Variants in TRMT9B observed in about 807,000 individuals in gnomAD.
TRMT9B encodes the protein tRNA methyltransferase 9B (putative).
In TRMT9B, 16 loss-of-function variants were observed where a neutral mutation model predicts 11.5. That is an observed-to-expected ratio of 1.39 (90% CI 0.94 to 2.11). TRMT9B has a LOEUF of 2.11. Among genes scored for constraint, TRMT9B ranks in the 30% most tolerant of loss-of-function variants. TRMT9B has a pLI of 0.00. For synonymous variants in TRMT9B, 274 were observed against 192.4 expected (o/e 1.42, Z -3.51); for missense variants, 941 against 553.8 (o/e 1.70, Z -7.02).
intron 2 of TRMT9B, among the ~76,000 whole-genome samples, chr8:13,001,893 T>C (rs1362812146): frequency 6.6e-6 from 1 of 152,194 alleles, no homozygotes; most frequent in Admixed American, 6.5e-5. Flanking sequence ...TCTCGCTTCA[T>C]CTGGAAACCC....
intron 4 of TRMT9B, among the ~76,000 whole-genome samples, chr8:13,014,693 A>C (rs1365042634): frequency 6.6e-6 from 1 of 152,148 alleles, no homozygotes; most frequent in Non-Finnish European, 1.5e-5. Flanking sequence ...ATTAAGCAAC[A>C]CTATACAATG....
chr8:12,952,030 T>A (rs947176587), intron 1 of TRMT9B: 8 of 177,284 alleles, frequency 4.5e-5, no homozygotes, highest in South Asian at 3.2e-4. Context: ...GTCTATTTTT[T>A]CCTCTTCCTT....
chr8:12,980,229 C>T (rs1241811688), intron 1 of TRMT9B, among the ~76,000 whole-genome samples: 1 of 152,120 alleles, frequency 6.6e-6, no homozygotes, highest in African/African-American at 2.4e-5. Context: ...CTCCTTGCCT[C>T]CTCCAATTCC....
chr8:13,011,931 T>A (rs1811683663), intron 3 of TRMT9B: 1 of 985,220 alleles, frequency 1.0e-6, no homozygotes, highest in South Asian at 4.7e-5. Flanking sequence ...TGTTGACAGT[T>A]GTTTGTTTTG....
chr8:13,028,997 C>T lies in TRMT9B; in HGVS notation c.*6953C>T, dbSNP rs1815052111. 1 of 166,942 alleles carries T rather than the reference C, an allele frequency of 6.0e-6. No homozygotes were observed. The highest frequency in any genetic ancestry group is 2.1e-4 in the South Asian group (1 of 4,812). 10.3% of individuals were successfully genotyped at this position (166,942 alleles called of 1,614,324 possible). On this transcript the variant is annotated 3_prime_UTR_variant, in exon 5 of 5. Coordinates refer to ENST00000524591, the MANE Select transcript of TRMT9B (RefSeq NM_020844.3). ...TTTGAATATGTATGTGCAAACTGTCCTATTTTCTTTATATGCTCTCTTAAA... is the reference window on the plus strand; with the variant it reads ...TTTGAATATGTATGTGCAAACTGTCTTATTTTCTTTATATGCTCTCTTAAA...
intron 4 of TRMT9B, 26 bp from the exon 5 acceptor site, chr8:13,020,982 C>G (rs1813719272): frequency 1.4e-6 from 2 of 1,468,372 alleles, no homozygotes; most frequent in Admixed American, 2.3e-5. Flanking sequence ...TGCATACACA[C>G]TGAGATCTAG....
At position 13,021,546 on chromosome 8, in the gene TRMT9B, C is replaced by G. The variant is rs372977875; in HGVS notation, c.867C>G (p.His289Gln). 17 of 1,613,758 alleles carry G rather than the reference C, an allele frequency of 1.1e-5. No homozygotes were observed. The highest frequency in any genetic ancestry group is 1.4e-5 in the Non-Finnish European group (17 of 1,179,836). ...SSTVTVQPSR[H>Q]SSLDFDHQEP... ...CTGTAACAGTCCAGCCTTCCAGACA[C>G]TCTAGTTTAGACTTTGATCACCAAG... is the stretch of plus-strand genomic sequence containing the variant. The change falls in exon 5 of 5, where the codon CAC becomes CAG. Residue 289 changes from histidine (H) to glutamine (Q), a missense_variant. Physicochemically the swap from His to Gln is conservative, Grantham distance 24. Transcript: ENST00000524591.
intron 1 of TRMT9B, among the ~76,000 whole-genome samples, chr8:12,969,164 G>A (rs1359838722): frequency 1.3e-5 from 2 of 152,074 alleles, no homozygotes; most frequent in Middle Eastern, 3.2e-3. Context: ...CTGAGATTGC[G>A]CCACTGCACT....
intron 1 of TRMT9B, among the ~76,000 whole-genome samples, chr8:12,948,136 T>A (rs1448345598): frequency 6.6e-6 from 1 of 152,196 alleles, no homozygotes; most frequent in African/African-American, 2.4e-5. Context: ...ACACCTAACC[T>A]ACTGAACATG....
At chr8:12,960,721 T>A (rs1446777129) in intron 1 of TRMT9B, among the ~76,000 whole-genome samples, 3 of 152,214 alleles carry the variant, frequency 2.0e-5, no homozygotes, top group Non-Finnish European at 2.9e-5. Context: ...AAAGCCTAAA[T>A]GCTGTGTGAT....
rs1008810918 is a variant in TRMT9B at position 12,981,558 on chromosome 8, T to C, written c.-199-9276T>C. Reference sequence around the variant, plus strand: ...CCCCAAACTCAGTTCTTTATTCCAGTATTGGTTTATTTTTGCTTTCCTTTC... The same window carrying C: ...CCCCAAACTCAGTTCTTTATTCCAGCATTGGTTTATTTTTGCTTTCCTTTC... On this transcript the variant is annotated intron_variant, in intron 1 of 4. Transcript: ENST00000524591. Among the ~76,000 whole-genome samples, 6 of 152,080 alleles carry C rather than the reference T, an allele frequency of 3.9e-5. No homozygotes were observed. The East Asian group carries it at 1.2e-3, about 29-fold the overall frequency.
At chr8:13,011,725 T>C (rs963974160) in intron 3 of TRMT9B, 9 of 973,584 alleles carry the variant, frequency 9.2e-6, no homozygotes, top group Admixed American at 1.2e-4. Flanking sequence ...TACTGGAAAG[T>C]GAATATCAAA....
intron 1 of TRMT9B, chr8:12,962,208 A>G (rs1802213334): frequency 1.3e-5 from 2 of 152,328 alleles, no homozygotes; most frequent in Admixed American, 1.3e-4. Flanking sequence ...CTAGGACACC[A>G]TCATAACTAT....
chr8:13,008,987 C>G (rs908165074), intron 3 of TRMT9B, among the ~76,000 whole-genome samples: 8 of 152,162 alleles, frequency 5.3e-5, no homozygotes, highest in Non-Finnish European at 8.8e-5. Flanking sequence ...CTTCGCCTCC[C>G]AAAGTGCTGG....
intron 2 of TRMT9B, among the ~76,000 whole-genome samples, chr8:12,997,319 C>G (rs767955742): frequency 2.6e-5 from 4 of 152,026 alleles, no homozygotes; most frequent in Non-Finnish European, 4.4e-5. Context: ...AGCCTGGCAT[C>G]TCCTCCCCTC....
At position 12,973,316 on chromosome 8, in the gene TRMT9B, G is replaced by T. The variant is rs545474539; in HGVS notation, c.-199-17518G>T. Among the ~76,000 whole-genome samples, 209 of 152,202 alleles carry T rather than the reference G, an allele frequency of 1.4e-3. 1 individual carries two copies. Among genetic ancestry groups the T allele is most frequent in the Non-Finnish European group, 2.0e-3 (133 of 68,010 alleles). On this transcript the variant is annotated intron_variant, in intron 1 of 4. Coordinates refer to ENST00000524591, the MANE Select transcript of TRMT9B (RefSeq NM_020844.3). ...CCCTTGCCAGCACATGCACAGCATC[G>T]TGGGAGAAGAGAAGGTATTTCTCCC...
In TRMT9B at chr8:12,986,738, C is replaced by T. The variant is rs369550667; in HGVS notation, c.-199-4096C>T. Among the ~76,000 whole-genome samples, 126 of 152,308 alleles carry T rather than the reference C, an allele frequency of 8.3e-4. 1 individual carries two copies. Among genetic ancestry groups the T allele is most frequent in the South Asian group, 5.0e-3 (24 of 4,826 alleles). ...TACTGTATCAGGCTTATTATCAGAG[C>T]GTCATCTTCAGCATGTTCCCTGCCT... is the stretch of plus-strand genomic sequence containing the variant. On this transcript the variant is annotated intron_variant, in intron 1 of 4. Coordinates refer to ENST00000524591, the MANE Select transcript of TRMT9B (RefSeq NM_020844.3).
chr8:12,957,358 T>C (rs1394507001), intron 1 of TRMT9B, among the ~76,000 whole-genome samples: 1 of 152,116 alleles, frequency 6.6e-6, no homozygotes, highest in Non-Finnish European at 1.5e-5. Flanking sequence ...TTATAAGAAA[T>C]GAGGACTGCT....
intron 2 of TRMT9B, among the ~76,000 whole-genome samples, chr8:13,001,457 T>A (rs770525734): frequency 6.6e-6 from 1 of 152,226 alleles, no homozygotes; most frequent in Non-Finnish European, 1.5e-5. Flanking sequence ...TTTAGTCTTT[T>A]TATAAACCAT....
Sources: gnomAD v4.1 joint callset for allele counts (sites outside exome capture counted in the v4.1 genomes callset) on GRCh38, gnomAD v4.1.1 for gene constraint, MANE v1.5 for transcripts, NCBI Gene and HGNC (gene_info 2026-07-23, HGNC 2026-07-21) for gene names.